RBM46: variants seen among roughly 807,000 people sequenced by gnomAD.
The protein encoded by RBM46 is probable RNA-binding protein 46.
In RBM46, 12 loss-of-function variants were observed where a neutral mutation model predicts 43.3. That is an observed-to-expected ratio of 0.28 (90% CI 0.18 to 0.45). RBM46 has a LOEUF of 0.45. Among genes scored for constraint, RBM46 ranks in the 20% least tolerant of loss-of-function variants. The pLI is 1.00. For missense variants in RBM46, 412 were observed against 639.1 expected, an observed-to-expected ratio of 0.64 and a Z score of 3.83; for synonymous variants, 205 against 207.6, an observed-to-expected ratio of 0.99 and a Z score of 0.11.
At position 154,799,248 on chromosome 4, in the gene RBM46, G is replaced by A. The variant is rs150609171; in HGVS notation, c.1086G>A (p.Pro362=). The change falls in exon 4 of 5, where the codon CCG becomes CCA. Residue 362 remains proline (P), a synonymous_variant. Coordinates refer to ENST00000281722, the MANE Select transcript of RBM46 (RefSeq NM_144979.5). ...ARLNGQHSPS[P]PEVERCTYPF... is the part of the protein sequence containing the mutation. ...TCAATGGTCAGCATAGCCCAAGTCC[G>A]CCTGAAGTTGAAAGATGCACTTACC... 5.3e-5 allele frequency: 85 copies of A among 1,614,134 alleles called. No homozygotes were observed. In the African/African-American group the frequency reaches 8.7e-4, roughly 16 times the overall value.
intron 1 of RBM46, chr4:154,781,967 C>G (rs553637602): frequency 4.2e-4 from 64 of 152,312 alleles, no homozygotes; most frequent in African/African-American, 1.5e-3. Context: ...GAATTGAATT[C>G]AGGCTGGGTG....
chr4:154,820,439 T>A, intron 4 of RBM46: 1 of 1,385,862 alleles, frequency 7.2e-7, no homozygotes, highest in Non-Finnish European at 9.8e-7. Flanking sequence ...GTTTATTAGG[T>A]AAAACTCTCT....
intron 4 of RBM46, among the ~76,000 whole-genome samples, chr4:154,804,814 GTTTTTT>G (rs575968520): frequency 9.4e-4 from 106 of 113,222 alleles, no homozygotes; most frequent in African/African-American, 3.1e-3. Flanking sequence ...GATTAAGGTT[GTTTTTT>G]TTTTTTTTTT....
At chr4:154,793,549 G>A (rs945739363) in intron 1 of RBM46, among the ~76,000 whole-genome samples, 2 of 152,164 alleles carry the variant, frequency 1.3e-5, no homozygotes, top group Non-Finnish European at 2.9e-5. Context: ...CCTTCTGTGT[G>A]CCAAAGACTG....
At position 154,799,239 on chromosome 4, in the gene RBM46, C is replaced by T. The variant is rs375478738; in HGVS notation, c.1077C>T (p.Ser359=). 1 of 1,614,062 alleles carries T rather than the reference C, an allele frequency of 6.2e-7. No individual in the cohort carries two copies. The highest frequency in any genetic ancestry group is 8.5e-7 in the Non-Finnish European group (1 of 1,180,038). The stretch of plus-strand genomic sequence containing the variant: ...CTGCTCGTCTCAATGGTCAGCATAG[C>T]CCAAGTCCGCCTGAAGTTGAAAGAT... ...TLPARLNGQH[S]PSPPEVERCT... Residue 359 remains serine (S), a synonymous_variant, in exon 4 of 5, where the codon AGC becomes AGT. Transcript: ENST00000281722.
chr4:154,813,785 C>A (rs1474595652), intron 4 of RBM46, among the ~76,000 whole-genome samples: 1 of 152,114 alleles, frequency 6.6e-6, no homozygotes, highest in East Asian at 1.9e-4. Flanking sequence ...CTTGAAAATT[C>A]CAGGTGCTAA....
chr4:154,822,391 T>C (rs1210283074), intron 4 of RBM46, among the ~76,000 whole-genome samples: 1 of 151,732 alleles, frequency 6.6e-6, no homozygotes, highest in Non-Finnish European at 1.5e-5. Context: ...TTTCATTTCT[T>C]TATTTCCTCT....
intron 1 of RBM46, among the ~76,000 whole-genome samples, chr4:154,794,125 C>T (rs569963112): frequency 2.6e-5 from 4 of 151,948 alleles, no homozygotes; most frequent in Admixed American, 6.6e-5. Context: ...TCCACCTCAA[C>T]CTCTCTGGCC....
Position 154,799,147 on chromosome 4 carries a change from A to T in RBM46, c.985A>T (p.Asn329Tyr). Residue 329 changes from asparagine (N) to tyrosine (Y), a missense_variant, in exon 4 of 5, where the codon AAT becomes TAT. Physicochemically the swap from Asn to Tyr is moderately radical, Grantham distance 143. This residue lies in a region of RBM46 where 105 missense variants were observed against 111.0 expected (regional missense o/e 0.95). Transcript: ENST00000281722. ...LNGQISPNSE[N>Y]LIVFANKEES... is the part of the protein sequence containing the mutation. ...TGGTCAGATTAGTCCAAATTCTGAA[A>T]ATCTGATTGTGTTTGCTAACAAAGA... is the stretch of plus-strand genomic sequence containing the variant. The T allele has an allele frequency of 6.2e-7, 1 of 1,614,124 alleles. No homozygotes were observed. Among genetic ancestry groups the T allele is most frequent in the Non-Finnish European group, 8.5e-7 (1 of 1,180,036 alleles).
intron 1 of RBM46, among the ~76,000 whole-genome samples, chr4:154,788,304 G>A (rs1420133499): frequency 6.6e-6 from 1 of 152,120 alleles, no homozygotes; most frequent in Non-Finnish European, 1.5e-5. Context: ...TTCTTCTAGG[G>A]TTTTTATGGT....
chr4:154,807,677 G>C (rs918184180), intron 4 of RBM46, among the ~76,000 whole-genome samples: 4 of 151,898 alleles, frequency 2.6e-5, no homozygotes, highest in African/African-American at 9.6e-5. Context: ...AGACCTGGTA[G>C]TACCTTACCT....
chr4:154,825,711 C>T (rs1301191672), intron 4 of RBM46, among the ~76,000 whole-genome samples: 1 of 152,174 alleles, frequency 6.6e-6, no homozygotes, highest in Non-Finnish European at 1.5e-5. Flanking sequence ...ATAAGCTAAG[C>T]ATTATGCTAG....
intron 4 of RBM46, among the ~76,000 whole-genome samples, chr4:154,809,470 A>T (rs996764161): frequency 1.3e-5 from 2 of 152,138 alleles, no homozygotes; most frequent in African/African-American, 4.8e-5. Context: ...AAACTTGTAT[A>T]ATCAACTCCC....
intron 4 of RBM46, among the ~76,000 whole-genome samples, chr4:154,822,238 C>A (rs772371558): frequency 1.3e-5 from 2 of 151,704 alleles, no homozygotes; most frequent in Non-Finnish European, 3.0e-5. Flanking sequence ...TTGCCCGATG[C>A]CCCATTGTAA....
intron 4 of RBM46, chr4:154,820,467 A>G: frequency 9.4e-7 from 1 of 1,067,198 alleles, no homozygotes; most frequent in Non-Finnish European, 1.3e-6. Flanking sequence ...ATTAAGTAAT[A>G]TATTTAATTG....
chr4:154,811,973 G>A (rs1160820459), intron 4 of RBM46, among the ~76,000 whole-genome samples: 1 of 151,288 alleles, frequency 6.6e-6, no homozygotes, highest in Non-Finnish European at 1.5e-5. Flanking sequence ...GAATGAGCAC[G>A]CCTGGCCTGT....
At chr4:154,796,956 A>G in intron 2 of RBM46, 53 bp downstream of exon 2, 7 of 1,458,614 alleles carry the variant, frequency 4.8e-6, no homozygotes, top group Non-Finnish European at 6.6e-6. Context: ...CGTCATGTAG[A>G]TTAGATGTGT....
chr4:154,799,109 G>C lies in RBM46; in HGVS notation c.947G>C (p.Arg316Thr). Reference sequence around the variant, plus strand: ...CCAGTAAATAAAGAAAACACTTGGAGACAGCATCTTAATGGTCAGATTAGT... The same window carrying C: ...CCAGTAAATAAAGAAAACACTTGGACACAGCATCTTAATGGTCAGATTAGT... ...AKPVNKENTW[R>T]QHLNGQISPN... Residue 316 changes from arginine (R) to threonine (T), a missense_variant, in exon 4 of 5, where the codon AGA (arginine) becomes ACA (threonine). This residue lies in a region of RBM46 where 105 missense variants were observed against 111.0 expected (regional missense o/e 0.95). Transcript: ENST00000281722. 2.5e-6 allele frequency: 4 copies of C among 1,614,056 alleles called. No homozygotes were observed. Among genetic ancestry groups the C allele is most frequent in the Non-Finnish European group, 3.4e-6 (4 of 1,179,984 alleles).
rs1364242230 is a variant in RBM46, at chr4:154,798,065, G to A, written c.406G>A (p.Val136Ile). Residue 136 changes from valine (V) to isoleucine (I), a missense_variant, in exon 3 of 5, where the codon GTA becomes ATA. Around this residue, in one of 8 missense-constraint regions of RBM46, gnomAD observed 48 missense variants for 78.9 expected, o/e 0.61. Coordinates refer to ENST00000281722, the MANE Select transcript of RBM46 (RefSeq NM_144979.5). ...IRPGKFIGVCVSLDNCRLFIG... is the reference protein window; with the variant it reads ...IRPGKFIGVCISLDNCRLFIG... The stretch of plus-strand genomic sequence containing the variant: ...ACCAGGGAAGTTTATTGGTGTGTGT[G>A]TAAGCCTGGATAATTGTAGATTATT... 14 of 1,613,906 alleles carry A rather than the reference G, an allele frequency of 8.7e-6. No homozygotes were observed. The highest frequency in any genetic ancestry group is 1.2e-5 in the Non-Finnish European group (14 of 1,179,886).
Sources: allele counts gnomAD v4.1 joint callset (sites outside exome capture counted in the v4.1 genomes callset), GRCh38; gene constraint gnomAD v4.1.1; regional missense constraint gnomAD v4.1.1; transcripts MANE v1.5; gene names NCBI Gene and HGNC (gene_info 2026-07-23, HGNC 2026-07-21).